The following CHST7 variants were observed in gnomAD, a reference collection of about 807,000 sequenced individuals.
CHST7 encodes the protein carbohydrate sulfotransferase 7.
In CHST7, 5 loss-of-function variants were observed where a neutral mutation model predicts 9.0. The ratio of observed to expected loss-of-function variants is 0.56; its 90% CI spans 0.29 to 1.17. The LOEUF (loss-of-function observed/expected upper bound fraction) is 1.17. Among genes scored for constraint, CHST7 ranks in the 50% most tolerant of loss-of-function variants. The probability of loss-of-function intolerance (pLI) is 0.08; values close to 1 mark genes in which losing one functional copy is unlikely to be tolerated. For synonymous variants in CHST7, 244 were observed against 237.1 expected (o/e 1.03, Z -0.27); for missense variants, 377 against 485.1 (o/e 0.78, Z 2.09).
In CHST7 at chrX:46,595,819, A is replaced by G. The variant is rs143373741; in HGVS notation, c.*32-1941A>G. 1.8e-3 allele frequency among the ~76,000 whole-genome samples: 201 copies of G among 111,412 alleles called. 4 individuals carry two copies. The South Asian group carries it at 0.032, about 18-fold the overall frequency. ...ACTTTGTGGGAGGAATAAGAAGTGC[A>G]TCTATTCCATCTTGTCAACTAGAAG... is the stretch of plus-strand genomic sequence containing the variant. On this transcript the variant is annotated intron_variant, in intron 1 of 1. Coordinates refer to ENST00000276055, the MANE Select transcript of CHST7 (RefSeq NM_019886.4).
chrX:46,593,171 A>G (rs1237623272), intron 1 of CHST7, among the ~76,000 whole-genome samples: 2 of 111,781 alleles, frequency 1.8e-5, no homozygotes, highest in Non-Finnish European at 3.8e-5. Flanking sequence ...GGAATGTTCT[A>G]TAAATGTCAG....
In CHST7 at chrX:46,581,251, AT is replaced by A. The variant is rs1322889134; in HGVS notation, c.*31+5829del. On this transcript the variant is annotated intron_variant, in intron 1 of 1. Coordinates refer to ENST00000276055, the MANE Select transcript of CHST7 (RefSeq NM_019886.4). ...CTCTGTCTCCAAAAAAAAAAAAAAAATAATAATAATAATAATTAAATAAGGG... is the reference window on the plus strand; with the variant it reads ...CTCTGTCTCCAAAAAAAAAAAAAAAAAATAATAATAATAATTAAATAAGGG... Among the ~76,000 whole-genome samples, 275 of 101,822 alleles carry A rather than the reference AT, an allele frequency of 2.7e-3. 1 individual carries two copies. Among genetic ancestry groups the A allele is most frequent in the African/African-American group, 9.1e-3 (254 of 27,826 alleles). 88.4% of individuals were successfully genotyped at this position (101,822 alleles called of 115,157 possible). A position where few individuals can be genotyped will look rare whatever the true frequency, so the allele number is the denominator to read the frequency against.
chrX:46,574,501 C>T lies in CHST7; in HGVS notation c.570C>T (p.Ala190=). The T allele has an allele frequency of 8.3e-7, 1 of 1,206,499 alleles. No individual in the cohort carries two copies. The highest frequency in any genetic ancestry group is 3.0e-5 in the East Asian group (1 of 33,625). The part of the protein sequence containing the change: ...RAPDTANLTT[A]ALFRWRTNKV... Reference sequence around the variant, plus strand: ...CGGACACGGCCAATCTTACCACGGCCGCCCTCTTCCGCTGGCGGACTAACA... The same window carrying T: ...CGGACACGGCCAATCTTACCACGGCTGCCCTCTTCCGCTGGCGGACTAACA... Residue 190 remains alanine (A), a synonymous_variant, in exon 1 of 2, where the codon GCC becomes GCT. Transcript: ENST00000276055.
chrX:46,591,877 C>T (rs1001256104), intron 1 of CHST7, among the ~76,000 whole-genome samples: 1 of 109,427 alleles, frequency 9.1e-6, no homozygotes, highest in African/African-American at 3.3e-5. Flanking sequence ...TGCCCCACAC[C>T]CCCTGACAGG....
At chrX:46,580,304 C>T (rs868329002) in intron 1 of CHST7, among the ~76,000 whole-genome samples, 7 of 111,394 alleles carry the variant, frequency 6.3e-5, no homozygotes, top group Non-Finnish European at 1.1e-4. Context: ...GTGATCCACC[C>T]GCCTCGGCCT....
At chrX:46,577,740 C>T (rs949707911) in intron 1 of CHST7, among the ~76,000 whole-genome samples, 3 of 111,855 alleles carry the variant, frequency 2.7e-5, no homozygotes, top group Non-Finnish European at 3.8e-5. Context: ...CTGGCCCCTG[C>T]CTTGGCATTC....
At chrX:46,594,151 G>C (rs1342963695) in intron 1 of CHST7, among the ~76,000 whole-genome samples, 1 of 111,967 alleles carries the variant, frequency 8.9e-6, no homozygotes, top group Non-Finnish European at 1.9e-5. Context: ...AGTTCTGTTG[G>C]CAAAAATTAT....
Position 46,574,599 on chromosome X carries a change from C to T in CHST7, c.668C>T (p.Thr223Ile), listed in dbSNP as rs1942486659. The T allele has an allele frequency of 8.3e-7, 1 of 1,204,018 alleles. No individual in the cohort carries two copies. The highest frequency in any genetic ancestry group is 1.1e-6 in the Non-Finnish European group (1 of 891,549). The change falls in exon 1 of 2, where the codon ACC becomes ATC. Residue 223 changes from threonine (T) to isoleucine (I), a missense_variant. Thr to Ile is a moderately conservative substitution (Grantham distance 89, BLOSUM62 -1). Transcript: ENST00000276055. ...ARAEVGLVED[T>I]ACERSCPPVA... is the part of the protein sequence containing the mutation. Reference sequence around the variant, plus strand: ...GCCGAGGTGGGCCTCGTCGAGGACACCGCCTGCGAGCGCAGCTGCCCACCC... The same window carrying T: ...GCCGAGGTGGGCCTCGTCGAGGACATCGCCTGCGAGCGCAGCTGCCCACCC...
At chrX:46,578,576 A>ATTT (rs57741167) in intron 1 of CHST7, among the ~76,000 whole-genome samples, 168 of 104,181 alleles carry the variant, frequency 1.6e-3, no homozygotes, top group African/African-American at 5.2e-3. Flanking sequence ...ATTAAAAGAA[A>ATTT]TTTTTTTTTT....
At chrX:46,597,538 C>G (rs1942600860) in intron 1 of CHST7, among the ~76,000 whole-genome samples, 2 of 112,158 alleles carry the variant, frequency 1.8e-5, no homozygotes, top group Non-Finnish European at 3.8e-5. Flanking sequence ...AACAGAGGCG[C>G]CCCCGGAGTT....
rs1297267817 is a variant in CHST7 at position 46,574,166 on chromosome X, G to T, written c.235G>T (p.Ala79Ser). ...AEARAAEEGG[A>S]NQSPRFPSNL... The stretch of plus-strand genomic sequence containing the variant: ...GGCGCGGGCCGCCGAGGAAGGGGGC[G>T]CGAACCAGTCTCCTCGGTTCCCAAG... Residue 79 changes from alanine to serine, a missense_variant, in exon 1 of 2, where the codon GCG (alanine) becomes TCG (serine). Physicochemically the swap from Ala to Ser is moderately conservative, Grantham distance 99. Transcript: ENST00000276055. The T allele has an allele frequency of 5.9e-6, 7 of 1,177,861 alleles. No individual in the cohort carries two copies. The highest frequency in any genetic ancestry group is 8.0e-6 in the Non-Finnish European group (7 of 877,936).
intron 1 of CHST7, among the ~76,000 whole-genome samples, chrX:46,585,707 A>G (rs1464908003): frequency 3.6e-5 from 4 of 112,249 alleles, no homozygotes; most frequent in Non-Finnish European, 7.5e-5. Context: ...ACATTATTGA[A>G]TGCCTTTTAA....
At position 46,579,707 on chromosome X, in the gene CHST7, G is replaced by A. The variant is rs774771256; in HGVS notation, c.*31+4284G>A. On this transcript the variant is annotated intron_variant, in intron 1 of 1. Transcript: ENST00000276055. ...CTTATGTATAAATATCACTGAGGCC[G>A]GGTGCAGTAGCTCACACCTATAATC... Among the ~76,000 whole-genome samples the A allele has an allele frequency of 9.5e-4, 107 of 112,112 alleles. 1 individual carries two copies. Among genetic ancestry groups the A allele is most frequent in the African/African-American group, 3.3e-3 (101 of 30,864 alleles).
chrX:46,591,413 C>T (rs1428782317), intron 1 of CHST7, among the ~76,000 whole-genome samples: 1 of 111,457 alleles, frequency 9.0e-6, no homozygotes, highest in African/African-American at 3.3e-5. Flanking sequence ...CTCACTCTGT[C>T]GCGCAGGTTG....
Position 46,574,210 on chromosome X carries a change from C to G in CHST7, c.279C>G (p.Val93=), listed in dbSNP as rs781382088. 59 of 1,205,720 alleles carry G rather than the reference C, an allele frequency of 4.9e-5. No individual in the cohort carries two copies. The highest frequency in any genetic ancestry group is 6.5e-5 in the Non-Finnish European group (58 of 892,416). The change falls in exon 1 of 2, where the codon GTC becomes GTG. Residue 93 remains valine (V), a synonymous_variant. Coordinates refer to ENST00000276055, the MANE Select transcript of CHST7 (RefSeq NM_019886.4). ...TCCCAAGCAACCTCAGCGGCGCTGTCGGGGAGGCAGTGTCTCGCGAGAAGC... is the reference window on the plus strand; with the variant it reads ...TCCCAAGCAACCTCAGCGGCGCTGTGGGGGAGGCAGTGTCTCGCGAGAAGC... ...PRFPSNLSGA[V]GEAVSREKQH...
At chrX:46,587,723 T>A (rs1331041437) in intron 1 of CHST7, among the ~76,000 whole-genome samples, 4 of 112,458 alleles carry the variant, frequency 3.6e-5, no homozygotes, top group Non-Finnish European at 7.5e-5. Context: ...AACTTAATGG[T>A]GCTATTGTTG....
In CHST7 at chrX:46,574,481, A is replaced by T; in HGVS notation, c.550A>T (p.Thr184Ser). 1 of 1,206,366 alleles carries T rather than the reference A, an allele frequency of 8.3e-7. No individual in the cohort carries two copies. The highest frequency in any genetic ancestry group is 1.1e-6 in the Non-Finnish European group (1 of 892,900). The change falls in exon 1 of 2, where the codon ACG (threonine) becomes TCG (serine). Residue 184 changes from threonine (T) to serine (S), a missense_variant. Around this residue, in one of 3 missense-constraint regions of CHST7, gnomAD observed 239 missense variants for 325.7 expected, o/e 0.73. Transcript: ENST00000276055. ...PGDPAARAPD[T>S]ANLTTAALFR... is the part of the protein sequence containing the mutation. ...GGACCCCGCTGCGCGCGCCCCGGAC[A>T]CGGCCAATCTTACCACGGCCGCCCT... is the stretch of plus-strand genomic sequence containing the variant.
rs1031871173 is a variant in CHST7 at position 46,574,207 on chromosome X, T to C, written c.276T>C (p.Ala92=). 2 of 1,206,471 alleles carry C rather than the reference T, an allele frequency of 1.7e-6. No individual in the cohort carries two copies. Residue 92 remains alanine (A), a synonymous_variant, in exon 1 of 2, where the codon GCT becomes GCC. Coordinates refer to ENST00000276055, the MANE Select transcript of CHST7 (RefSeq NM_019886.4). Reference sequence around the variant, plus strand: ...GGTTCCCAAGCAACCTCAGCGGCGCTGTCGGGGAGGCAGTGTCTCGCGAGA... The same window carrying C: ...GGTTCCCAAGCAACCTCAGCGGCGCCGTCGGGGAGGCAGTGTCTCGCGAGA... ...SPRFPSNLSG[A]VGEAVSREKQ...
Position 46,574,196 on chromosome X carries a change from C to T in CHST7, c.265C>T (p.Leu89Phe). Residue 89 changes from leucine (L) to phenylalanine (F), a missense_variant, in exon 1 of 2, where the codon CTC (leucine) becomes TTC (phenylalanine). By Grantham distance (22) the Leu-to-Phe change is conservative (BLOSUM62 0). Transcript: ENST00000276055. ...CCAGTCTCCTCGGTTCCCAAGCAAC[C>T]TCAGCGGCGCTGTCGGGGAGGCAGT... ...ANQSPRFPSNLSGAVGEAVSR... is the reference protein window; with the variant it reads ...ANQSPRFPSNFSGAVGEAVSR... 8.3e-7 allele frequency: 1 copy of T among 1,201,306 alleles called. No homozygotes were observed. Among genetic ancestry groups the T allele is most frequent in the Non-Finnish European group, 1.1e-6 (1 of 889,226 alleles).
Sources: gnomAD v4.1 joint callset for allele counts (sites outside exome capture counted in the v4.1 genomes callset) on GRCh38, gnomAD v4.1.1 for gene constraint, gnomAD v4.1.1 regional missense constraint, MANE v1.5 for transcripts, NCBI Gene and HGNC (gene_info 2026-07-23, HGNC 2026-07-21) for gene names.